NRCAM: variants seen among roughly 807,000 people sequenced by gnomAD.
The protein encoded by NRCAM is NgCAM-related cell adhesion molecule.
Under a neutral mutation model 156.5 loss-of-function variants are expected in NRCAM, and 83 were observed. That is an observed-to-expected ratio of 0.53 (90% confidence interval 0.44 to 0.64). The LOEUF (loss-of-function observed/expected upper bound fraction) is 0.64, where lower values mean the gene tolerates loss of function less well. NRCAM is among the 30% of genes least tolerant of loss of function. The pLI, the probability that NRCAM is intolerant of heterozygous loss-of-function variation, is 0.00. For synonymous variants in NRCAM, 538 were observed against 563.9 expected (o/e 0.95, Z 0.65); for missense variants, 1,417 against 1,597.3 (o/e 0.89, Z 1.92).
Position 108,197,966 on chromosome 7 carries a change from T to C in NRCAM, c.1341A>G (p.Val447=). The change falls in exon 14 of 33, where the codon GTA becomes GTG. Residue 447 remains valine (V), a synonymous_variant. Transcript: ENST00000379028. The stretch of plus-strand genomic sequence containing the variant: ...AAAATGAGAGCTTACCCAGCACATT[T>C]ACAAATGCGTTTGCCAGTAAATATC... ...EYGYLLANAF[V]NVLAEPPRIL... 6.4e-7 allele frequency: 1 copy of C among 1,574,038 alleles called. No individual in the cohort carries two copies. Among genetic ancestry groups the C allele is most frequent in the Non-Finnish European group, 8.6e-7 (1 of 1,163,462 alleles).
intron 2 of NRCAM, among the ~76,000 whole-genome samples, chr7:108,396,031 G>A (rs1345178118): frequency 6.6e-6 from 1 of 152,140 alleles, no homozygotes. Flanking sequence ...AAATGCCAAT[G>A]TCTCCCCACA....
chr7:108,410,040 C>G (rs1793415058), intron 1 of NRCAM, among the ~76,000 whole-genome samples: 1 of 152,160 alleles, frequency 6.6e-6, no homozygotes, highest in African/African-American at 2.4e-5. Context: ...AAAAGAAGAA[C>G]CCTGAGCCAT....
intron 32 of NRCAM, 22 bp downstream of exon 32, chr7:108,159,441 G>T (rs1379904798): frequency 1.3e-6 from 2 of 1,598,162 alleles, no homozygotes; most frequent in Non-Finnish European, 1.7e-6. Context: ...AGAAGATGAA[G>T]AGCAGAGAAG....
intron 3 of NRCAM, among the ~76,000 whole-genome samples, chr7:108,308,202 G>C (rs1396428107): frequency 6.6e-6 from 1 of 152,192 alleles, no homozygotes; most frequent in Non-Finnish European, 1.5e-5. Context: ...CTGGGAACAA[G>C]AGCCACAGGG....
chr7:108,162,777 G>A (rs1292648278), intron 30 of NRCAM, among the ~76,000 whole-genome samples: 1 of 152,188 alleles, frequency 6.6e-6, no homozygotes, highest in Non-Finnish European at 1.5e-5. Flanking sequence ...GGTAATAGGT[G>A]CATGTGTGCA....
chr7:108,272,478 CTTTA>C (rs2097393802), intron 3 of NRCAM, among the ~76,000 whole-genome samples: 1 of 152,108 alleles, frequency 6.6e-6, no homozygotes, highest in Admixed American at 6.5e-5. Context: ...AGTTGACGAT[CTTTA>C]TTTATCCCAC....
chr7:108,189,685 C>T lies in NRCAM; in HGVS notation c.1995G>A (p.Leu665=). The change falls in exon 20 of 33, where the codon CTG becomes CTA. Residue 665 remains leucine, a synonymous_variant. Transcript: ENST00000379028. ...TGTTGTCATCGCCTGGGGTCCATGACAGCTGAACACTTTTGTCAAGTTGAT... is the reference window on the plus strand; with the variant it reads ...TGTTGTCATCGCCTGGGGTCCATGATAGCTGAACACTTTTGTCAAGTTGAT... The part of the protein sequence containing the change: ...LTDQLDKSVQ[L]SWTPGDDNNS... 1 of 1,557,962 alleles carries T rather than the reference C, an allele frequency of 6.4e-7. No homozygotes were observed. The highest frequency in any genetic ancestry group is 2.3e-5 in the East Asian group (1 of 44,342).
At chr7:108,163,541 C>T (rs1209400498) in intron 30 of NRCAM, among the ~76,000 whole-genome samples, 1 of 152,136 alleles carries the variant, frequency 6.6e-6, no homozygotes, top group East Asian at 1.9e-4. Context: ...GTGACCTTAA[C>T]CAAAGTTTGG....
chr7:108,289,880 T>C (rs1290278328), intron 3 of NRCAM, among the ~76,000 whole-genome samples: 1 of 152,156 alleles, frequency 6.6e-6, no homozygotes, highest in Non-Finnish European at 1.5e-5. Flanking sequence ...GAATCTGTAT[T>C]GCAGTGAATC....
At chr7:108,212,000 C>A (rs1353473372) in intron 11 of NRCAM, among the ~76,000 whole-genome samples, 1 of 152,212 alleles carries the variant, frequency 6.6e-6, no homozygotes. Flanking sequence ...TCCATTTCAA[C>A]CCCCTGCCAC....
At chr7:108,390,618 T>G (rs2154374684) in intron 2 of NRCAM, among the ~76,000 whole-genome samples, 1 of 152,322 alleles carries the variant, frequency 6.6e-6, no homozygotes, top group Non-Finnish European at 1.5e-5. Context: ...CTGCTAGCTT[T>G]TGAATGTGCT....
At chr7:108,422,558 A>C (rs1263143889) in intron 1 of NRCAM, among the ~76,000 whole-genome samples, 1 of 152,184 alleles carries the variant, frequency 6.6e-6, no homozygotes, top group Non-Finnish European at 1.5e-5. Flanking sequence ...TGACAAGTAC[A>C]CTTAAAGTAA....
intron 1 of NRCAM, among the ~76,000 whole-genome samples, chr7:108,412,657 A>C (rs1456895169): frequency 6.6e-6 from 1 of 151,924 alleles, no homozygotes; most frequent in Non-Finnish European, 1.5e-5. Context: ...ATTCCTCCTA[A>C]CTTGTTTTGT....
At chr7:108,299,112 A>AG (rs2098522944) in intron 3 of NRCAM, among the ~76,000 whole-genome samples, 1 of 90,320 alleles carries the variant, frequency 1.1e-5, no homozygotes, top group African/African-American at 4.3e-5. Flanking sequence ...TCTCAAAAAA[A>AG]AAAAAGAAAG....
intron 2 of NRCAM, among the ~76,000 whole-genome samples, chr7:108,375,006 GAATTA>G (rs1182203526): frequency 6.6e-6 from 1 of 152,090 alleles, no homozygotes; most frequent in Admixed American, 6.6e-5. Flanking sequence ...CAGATGTCAT[GAATTA>G]AATACATTAT....
intron 2 of NRCAM, among the ~76,000 whole-genome samples, chr7:108,362,479 G>A (rs2099562418): frequency 6.6e-6 from 1 of 152,208 alleles, no homozygotes; most frequent in Non-Finnish European, 1.5e-5. Flanking sequence ...AAAAATGAAT[G>A]AGCTATCAAG....
At chr7:108,376,155 C>T (rs1010013883) in intron 2 of NRCAM, among the ~76,000 whole-genome samples, 10 of 152,288 alleles carry the variant, frequency 6.6e-5, no homozygotes, top group African/African-American at 2.4e-4. Flanking sequence ...GAATCCAGTT[C>T]CCTGACTTTT....
At chr7:108,292,362 G>A (rs934633831) in intron 3 of NRCAM, among the ~76,000 whole-genome samples, 2 of 152,066 alleles carry the variant, frequency 1.3e-5, no homozygotes, top group African/African-American at 4.8e-5. Context: ...GTGAAAAAAC[G>A]GTTTAGATAT....
chr7:108,407,236 T>C (rs915502479), intron 1 of NRCAM, among the ~76,000 whole-genome samples: 4 of 152,224 alleles, frequency 2.6e-5, no homozygotes, highest in Non-Finnish European at 2.9e-5. Context: ...CCCCAACTCA[T>C]TAAATATTCT....
Sources: gnomAD v4.1 joint callset for allele counts (sites outside exome capture counted in the v4.1 genomes callset) on GRCh38, gnomAD v4.1.1 for gene constraint, MANE v1.5 for transcripts, NCBI Gene and HGNC (gene_info 2026-07-23, HGNC 2026-07-21) for gene names.